The following EPN2 variants were observed in gnomAD, a reference collection of about 807,000 sequenced individuals.
EPN2 encodes the protein epsin 2, also known as epsin-2.
EPN2 carries 34 observed loss-of-function variants against 61.7 expected under a neutral mutation model. The ratio of observed to expected loss-of-function variants is 0.55; its 90% CI spans 0.42 to 0.73. EPN2 has a LOEUF of 0.73. EPN2 is among the 30% of genes least tolerant of loss of function. EPN2 has a pLI of 0.00. For synonymous variants in EPN2, 349 were observed against 353.6 expected (o/e 0.99, Z 0.15); for missense variants, 714 against 839.2 (o/e 0.85, Z 1.84).
At chr17:19,266,496 G>A (rs1025317886) in intron 1 of EPN2, among the ~76,000 whole-genome samples, 7 of 151,504 alleles carry the variant, frequency 4.6e-5, no homozygotes, top group Middle Eastern at 6.8e-3. Context: ...TCCGCCTCCC[G>A]GGTTCGTGCC....
intron 1 of EPN2, among the ~76,000 whole-genome samples, chr17:19,247,055 C>T (rs958648038): frequency 6.6e-6 from 1 of 152,164 alleles, no homozygotes; most frequent in Admixed American, 6.5e-5. Context: ...CAGGCGTGAG[C>T]CACTGCGCCC....
chr17:19,329,332 G>A (rs1907050467), intron 8 of EPN2: 1 of 490,028 alleles, frequency 2.0e-6, no homozygotes, highest in African/African-American at 2.0e-5. Context: ...AGTAGCAGGT[G>A]GGCATCCCAC....
Position 19,335,308 on chromosome 17 carries a change from T to C in EPN2, c.*1054T>C. The stretch of plus-strand genomic sequence containing the variant: ...CTAGATCCTGAGAGGCTATTTTTCT[T>C]ACGAATATACCAACATCCTGAAAGT... On this transcript the variant is annotated 3_prime_UTR_variant, in exon 11 of 11. Transcript: ENST00000314728. 7.8e-7 allele frequency: 1 copy of C among 1,280,534 alleles called. No individual in the cohort carries two copies. The highest frequency in any genetic ancestry group is 1.1e-6 in the Non-Finnish European group (1 of 936,048). The allele number at this position is 1,280,534 out of a possible 1,614,324, so 79.3% of individuals were successfully genotyped here.
intron 4 of EPN2, among the ~76,000 whole-genome samples, chr17:19,298,336 A>T (rs987385710): frequency 2.0e-5 from 3 of 152,062 alleles, no homozygotes; most frequent in Non-Finnish European, 4.4e-5. Context: ...TTGGGATTAT[A>T]GGTGTGTGCC....
chr17:19,277,325 T>C (rs2045316863), intron 1 of EPN2, among the ~76,000 whole-genome samples: 1 of 142,964 alleles, frequency 7.0e-6, no homozygotes, highest in South Asian at 2.2e-4. Context: ...CACATGAACC[T>C]GAGAGGCAGA....
chr17:19,281,592 GAGAGTAA>G (rs1294192940), intron 1 of EPN2, among the ~76,000 whole-genome samples: 1 of 152,168 alleles, frequency 6.6e-6, no homozygotes, highest in Non-Finnish European at 1.5e-5. Flanking sequence ...GAAACATCTT[GAGAGTAA>G]AGACCACCAC....
intron 7 of EPN2, among the ~76,000 whole-genome samples, chr17:19,320,868 T>C (rs957602797): frequency 2.6e-5 from 4 of 152,200 alleles, no homozygotes; most frequent in African/African-American, 9.7e-5. Context: ...GCAAAGTCCC[T>C]GCCAGCCTGA....
At chr17:19,292,699 C>T (rs1454697978) in intron 4 of EPN2, among the ~76,000 whole-genome samples, 1 of 152,218 alleles carries the variant, frequency 6.6e-6, no homozygotes, top group East Asian at 1.9e-4. Flanking sequence ...GAATGTGATT[C>T]GTGAATGGCT....
intron 4 of EPN2, among the ~76,000 whole-genome samples, chr17:19,306,511 G>A (rs1177750206): frequency 6.6e-6 from 1 of 152,264 alleles, no homozygotes; most frequent in Non-Finnish European, 1.5e-5. Context: ...GATGTGACGA[G>A]CTATGATGTG....
At chr17:19,297,589 G>GT (rs1393330047) in intron 4 of EPN2, among the ~76,000 whole-genome samples, 2 of 152,300 alleles carry the variant, frequency 1.3e-5, no homozygotes, top group East Asian at 3.9e-4. Flanking sequence ...GTGGTGCTGG[G>GT]TGTGGGGGAA....
chr17:19,272,412 G>C (rs1231405195), intron 1 of EPN2, among the ~76,000 whole-genome samples: 1 of 152,096 alleles, frequency 6.6e-6, no homozygotes, highest in Non-Finnish European at 1.5e-5. Flanking sequence ...TCCCTCAGTT[G>C]GTGACCTGTG....
intron 4 of EPN2, among the ~76,000 whole-genome samples, chr17:19,308,980 T>C (rs1905988769): frequency 7.7e-6 from 1 of 129,078 alleles, no homozygotes; most frequent in African/African-American, 3.1e-5. Flanking sequence ...GTATTTAAAC[T>C]AGCTAAGTGC....
rs996570513 is a variant in EPN2 at position 19,331,959 on chromosome 17, G to A, written c.1518G>A (p.Arg506=). The change falls in exon 10 of 11, where the codon CGG becomes CGA. Residue 506 remains arginine, a synonymous_variant. Coordinates refer to ENST00000314728, the MANE Select transcript of EPN2 (RefSeq NM_014964.5). The part of the protein sequence containing the change: ...TVASSKPSSA[R]KTPESFLGPN... ...CCTCAAGCAAGCCCAGCAGTGCCCG[G>A]AAAACACCTGAGTCCTTCCTGGGCC... 1.2e-6 allele frequency: 2 copies of A among 1,614,020 alleles called. No homozygotes were observed. The highest frequency in any genetic ancestry group is 1.7e-6 in the Non-Finnish European group (2 of 1,180,036).
intron 4 of EPN2, among the ~76,000 whole-genome samples, chr17:19,291,544 TCTC>T (rs1157149555): frequency 6.6e-6 from 1 of 150,770 alleles, no homozygotes; most frequent in Non-Finnish European, 1.5e-5. Flanking sequence ...TTCACGCCGT[TCTC>T]CTGCCTCAGC....
Position 19,318,549 on chromosome 17 carries a change from CAA to C in EPN2, c.1147+5287_1147+5288del, listed in dbSNP as rs58660254. On this transcript the variant is annotated intron_variant, in intron 7 of 10. Coordinates refer to ENST00000314728, the MANE Select transcript of EPN2 (RefSeq NM_014964.5). ...TGGGCAACAGAGCGAGACTCCATCT[CAA>C]AAAAAAAAAAAAAAAAGAGTAGGGG... is the stretch of plus-strand genomic sequence containing the variant. 3.8e-3 allele frequency among the ~76,000 whole-genome samples: 93 copies of C among 24,788 alleles called. 13 individuals carry two copies. The highest frequency in any genetic ancestry group is 0.014 in the Admixed American group (29 of 2,136). The allele number at this position is 24,788 out of a possible 152,430, so 16.3% of individuals were successfully genotyped here.
intron 1 of EPN2, among the ~76,000 whole-genome samples, chr17:19,242,129 T>G (rs966762258): frequency 8.5e-6 from 1 of 117,586 alleles, no homozygotes; most frequent in Non-Finnish European, 1.5e-5. Flanking sequence ...TGGTGTTTGA[T>G]CTGAAAAAAA....
chr17:19,240,460 G>A (rs2044871779), intron 1 of EPN2, among the ~76,000 whole-genome samples: 1 of 152,184 alleles, frequency 6.6e-6, no homozygotes, highest in South Asian at 2.1e-4. Context: ...TGGCCAGGCT[G>A]ATCTCGAACT....
chr17:19,243,172 G>A (rs1252896925), intron 1 of EPN2, among the ~76,000 whole-genome samples: 1 of 151,724 alleles, frequency 6.6e-6, no homozygotes, highest in East Asian at 1.9e-4. Flanking sequence ...CGTGGCTGGG[G>A]CTGCACCCCA....
At chr17:19,242,653 TA>T (rs752663008) in intron 1 of EPN2, among the ~76,000 whole-genome samples, 2 of 152,130 alleles carry the variant, frequency 1.3e-5, no homozygotes, top group Non-Finnish European at 1.5e-5. Context: ...ACAGGACAGG[TA>T]ACTTAATTCT....
Sources: allele counts gnomAD v4.1 joint callset (sites outside exome capture counted in the v4.1 genomes callset), GRCh38; gene constraint gnomAD v4.1.1; transcripts MANE v1.5; gene names NCBI Gene and HGNC (gene_info 2026-07-23, HGNC 2026-07-21).